RAD50: variants seen among roughly 807,000 people sequenced by gnomAD.
RAD50 encodes the protein DNA repair protein RAD50.
Under a neutral mutation model 168.8 loss-of-function variants are expected in RAD50, and 132 were observed. That is an observed-to-expected ratio of 0.78 (90% CI 0.68 to 0.90). The LOEUF (loss-of-function observed/expected upper bound fraction) is 0.90, where lower values mean the gene tolerates loss of function less well. Among genes scored for constraint, RAD50 ranks in the 40% least tolerant of loss-of-function variants. The pLI is 0.00. For synonymous variants in RAD50, 525 were observed against 497.4 expected (o/e 1.06, Z -0.74); for missense variants, 1,347 against 1,534.4 (o/e 0.88, Z 2.04).
chr5:132,617,648 C>T (rs1305260208), intron 20 of RAD50, among the ~76,000 whole-genome samples: 1 of 152,076 alleles, frequency 6.6e-6, no homozygotes, highest in Non-Finnish European at 1.5e-5. Flanking sequence ...TGATTTAATT[C>T]GTATTGTGCC....
At position 132,591,954 on chromosome 5, in the gene RAD50, C is replaced by T. The variant is rs786202914; in HGVS notation, c.1713C>T (p.Pro571=). 1.1e-5 allele frequency: 18 copies of T among 1,610,696 alleles called. No individual in the cohort carries two copies. Among genetic ancestry groups the T allele is most frequent in the Non-Finnish European group, 1.5e-5 (18 of 1,177,564 alleles). ...TAACCTCACTGTTGGGATATTTTCCCAACAAAAAACAGCTTGAAGACTGGC... is the reference window on the plus strand; with the variant it reads ...TAACCTCACTGTTGGGATATTTTCCTAACAAAAAACAGCTTGAAGACTGGC... ...DELTSLLGYF[P]NKKQLEDWLH... The change falls in exon 11 of 25, where the codon CCC becomes CCT. Residue 571 remains proline (P), a synonymous_variant. Coordinates refer to ENST00000378823, the MANE Select transcript of RAD50 (RefSeq NM_005732.4).
At chr5:132,604,083 T>TTTG in intron 15 of RAD50, 37 bp downstream of exon 15, 1 of 1,609,984 alleles carries the variant, frequency 6.2e-7, no homozygotes, top group Non-Finnish European at 8.5e-7. Flanking sequence ...TCATAGAGAC[T>TTTG]TTGACATTGC....
intron 13 of RAD50, among the ~76,000 whole-genome samples, chr5:132,599,463 A>G (rs191476706): frequency 6.6e-6 from 1 of 152,234 alleles, no homozygotes; most frequent in Non-Finnish European, 1.5e-5. Flanking sequence ...TGAGAGAGGA[A>G]GTCTTCTTCC....
At position 132,595,033 on chromosome 5, in the gene RAD50, C is replaced by A. The variant is rs587781904; in HGVS notation, c.1958C>A (p.Ser653Ter). The A allele has an allele frequency of 3.5e-5, 57 of 1,612,458 alleles. No homozygotes were observed. Among genetic ancestry groups the A allele is most frequent in the Non-Finnish European group, 4.5e-5 (53 of 1,178,856 alleles). The change falls in exon 12 of 25, where the codon TCA becomes TAA. Residue 653 changes from serine (S) to a stop codon, truncating the protein, a stop_gained. Coordinates refer to ENST00000378823, the MANE Select transcript of RAD50 (RefSeq NM_005732.4). LOFTEE classifies it high-confidence loss of function. ...DRLKEEIEKS[S>*]KQRAMLAGAT... ...CTTAAAGAGGAAATTGAAAAATCAT[C>A]AAAACAGCGAGGTAAGTTGTCTACT... is the stretch of plus-strand genomic sequence containing the variant.
At chr5:132,637,002 G>C in intron 21 of RAD50, 113 bp from the exon 22 acceptor site, 1 of 846,332 alleles carries the variant, frequency 1.2e-6, no homozygotes. Flanking sequence ...AAATATTGAG[G>C]AAGTTATTTA....
chr5:132,622,401 C>T (rs983693956), intron 21 of RAD50, among the ~76,000 whole-genome samples: 12 of 152,208 alleles, frequency 7.9e-5, no homozygotes, highest in African/African-American at 2.9e-4. Flanking sequence ...TCAAGCGATC[C>T]TCCTGCCTAG....
chr5:132,560,058 A>T (rs1750097380), intron 2 of RAD50, among the ~76,000 whole-genome samples: 1 of 149,764 alleles, frequency 6.7e-6, no homozygotes, highest in Non-Finnish European at 1.5e-5. Context: ...CAATACACAC[A>T]CACACACACA....
chr5:132,609,466 AAGATCC>A lies in RAD50; in HGVS notation c.3036+72_3036+77del, dbSNP rs1291655419. 3.0e-5 allele frequency: 48 copies of A among 1,578,534 alleles called. 1 individual carries two copies. In the South Asian group the frequency reaches 5.3e-4, roughly 17 times the overall value. Reference sequence around the variant, plus strand: ...TTTTCTATAGTTTTATTTTCAATAGAAGATCCATTGAATAGAAATGCAAAAAGGAAA... The same window carrying A: ...TTTTCTATAGTTTTATTTTCAATAGAATTGAATAGAAATGCAAAAAGGAAA... On this transcript the variant is annotated intron_variant, in intron 19 of 24. Transcript: ENST00000378823.
rs1335715771 is a variant in RAD50 at position 132,588,873 on chromosome 5, A to C, written c.1238A>C (p.Gln413Pro). 1 of 1,609,022 alleles carries C rather than the reference A, an allele frequency of 6.2e-7. No homozygotes were observed. The highest frequency in any genetic ancestry group is 2.2e-5 in the East Asian group (1 of 44,848). The part of the protein sequence containing the change: ...RQEGEAKTAN[Q>P]LMNDFAEKET... ...GAAGGGGAAGCAAAAACTGCCAACC[A>C]ACTGATGGCAAGTATTTTGAAATAC... The change falls in exon 8 of 25, where the codon CAA becomes CCA. Residue 413 changes from glutamine to proline, a missense_variant. Physicochemically the swap from Gln to Pro is moderately conservative, Grantham distance 76. Coordinates refer to ENST00000378823, the MANE Select transcript of RAD50 (RefSeq NM_005732.4).
At chr5:132,589,874 TATA>T (rs770288829) in intron 9 of RAD50, 37 bp downstream of exon 9, 4 of 1,521,938 alleles carry the variant, frequency 2.6e-6, no homozygotes, top group African/African-American at 2.8e-5. Flanking sequence ...AATTTTAAGA[TATA>T]ATACTTTTAG....
At chr5:132,621,065 T>G (rs1751275727) in intron 21 of RAD50, among the ~76,000 whole-genome samples, 1 of 152,202 alleles carries the variant, frequency 6.6e-6, no homozygotes, top group Non-Finnish European at 1.5e-5. Context: ...AAGGATCGGT[T>G]GTATTCTACT....
chr5:132,566,469 T>A (rs1275318036), intron 2 of RAD50, among the ~76,000 whole-genome samples: 1 of 152,238 alleles, frequency 6.6e-6, no homozygotes, highest in Non-Finnish European at 1.5e-5. Context: ...TACTGACCTC[T>A]GGCCACCTCC....
rs587782311 is a variant in RAD50, at chr5:132,609,124, A to G, written c.2837A>G (p.Asp946Gly). The G allele has an allele frequency of 1.9e-6, 3 of 1,611,334 alleles. No homozygotes were observed. The highest frequency in any genetic ancestry group is 2.2e-5 in the South Asian group (2 of 90,522). ...ATGAATATTTTTCTACAGCTGAATG[A>G]TATTAAAGAGAAGGTTAAAAATATT... ...SNKIAQDKLN[D>G]IKEKVKNIHG... Residue 946 changes from aspartate (D) to glycine (G), a missense_variant, in exon 18 of 25, where the codon GAT (aspartate) becomes GGT (glycine). By Grantham distance (94) the Asp-to-Gly change is moderately conservative. Transcript: ENST00000378823.
At chr5:132,616,432 A>T (rs1581008650) in intron 20 of RAD50, among the ~76,000 whole-genome samples, 1 of 152,318 alleles carries the variant, frequency 6.6e-6, no homozygotes, top group Middle Eastern at 3.4e-3. Context: ...AAGCATAAAG[A>T]ATATGGAGCT....
chr5:132,611,885 A>G (rs891977659), intron 19 of RAD50, among the ~76,000 whole-genome samples: 1 of 152,124 alleles, frequency 6.6e-6, no homozygotes, highest in Non-Finnish European at 1.5e-5. Context: ...GTATCTCAGC[A>G]TCATTATTCC....
At position 132,611,896 on chromosome 5, in the gene RAD50, T is replaced by C. The variant is rs142958777; in HGVS notation, c.3036+2500T>C. Among the ~76,000 whole-genome samples the C allele has an allele frequency of 1.3e-4, 20 of 152,278 alleles. No individual in the cohort carries two copies. The East Asian group carries it at 3.9e-3, about 29-fold the overall frequency. On this transcript the variant is annotated intron_variant, in intron 19 of 24. Transcript: ENST00000378823. ...CAGTGTATCTCAGCATCATTATTCCTTGATACGAGGTTCTGTAGAGGGTGG... is the reference window on the plus strand; with the variant it reads ...CAGTGTATCTCAGCATCATTATTCCCTGATACGAGGTTCTGTAGAGGGTGG...
chr5:132,592,573 C>G (rs1750722214), intron 11 of RAD50, among the ~76,000 whole-genome samples: 1 of 152,194 alleles, frequency 6.6e-6, no homozygotes, highest in African/African-American at 2.4e-5. Flanking sequence ...CTTTGGCTAG[C>G]TTTCTCAGAA....
At chr5:132,621,592 C>T (rs1336801612) in intron 21 of RAD50, among the ~76,000 whole-genome samples, 2 of 152,142 alleles carry the variant, frequency 1.3e-5, no homozygotes, top group African/African-American at 2.4e-5. Context: ...GGTAAACAAT[C>T]AGTCTTTGAG....
Position 132,638,228 on chromosome 5 carries a change from G to A in RAD50, c.3618+5G>A, listed in dbSNP as rs1554100971. On this transcript the variant is annotated splice_donor_5th_base_variant and intron_variant, in intron 23 of 24. Transcript: ENST00000378823. Reference sequence around the variant, plus strand: ...CGATGCAGTGCTGGACAAAAGGCAGGTATCTCAAAAGCCTGGGGAGCCAAC... The same window carrying A: ...CGATGCAGTGCTGGACAAAAGGCAGATATCTCAAAAGCCTGGGGAGCCAAC... 5 of 1,614,128 alleles carry A rather than the reference G, an allele frequency of 3.1e-6. No individual in the cohort carries two copies. Among genetic ancestry groups the A allele is most frequent in the Non-Finnish European group, 4.2e-6 (5 of 1,180,008 alleles).
Sources: allele counts gnomAD v4.1 joint callset (sites outside exome capture counted in the v4.1 genomes callset), GRCh38; gene constraint gnomAD v4.1.1; transcripts MANE v1.5; gene names NCBI Gene and HGNC (gene_info 2026-07-23, HGNC 2026-07-21).